The following OPHN1 variants were observed in gnomAD, a reference collection of about 807,000 sequenced individuals.
The protein encoded by OPHN1 is oligophrenin-1.
Under a neutral mutation model 60.7 loss-of-function variants are expected in OPHN1, and 11 were observed. The ratio of observed to expected loss-of-function variants is 0.18; its 90% CI spans 0.11 to 0.30. OPHN1 has a LOEUF of 0.30. OPHN1 is among the 10% of genes least tolerant of loss of function. OPHN1 has a pLI of 1.00. For missense variants in OPHN1, 449 were observed against 611.0 expected (o/e 0.73, Z 2.80); for synonymous variants, 226 against 222.6 (o/e 1.02, Z -0.14).
intron 15 of OPHN1, among the ~76,000 whole-genome samples, chrX:68,161,747 T>C (rs73212857): frequency 0.2 from 22,133 of 110,050 alleles, 1,893 homozygotes; most frequent in Middle Eastern, 0.32. Context: ...AGACACTTGT[T>C]GGGATATGTG....
intron 19 of OPHN1, among the ~76,000 whole-genome samples, chrX:68,090,258 G>GTGTGTGTGTC (rs2077012249): frequency 9.1e-6 from 1 of 110,053 alleles, no homozygotes; most frequent in Non-Finnish European, 1.9e-5. Context: ...GTGTGTGTGT[G>GTGTGTGTGTC]TGTGTGTGTG....
chrX:68,249,716 T>G lies in OPHN1; in HGVS notation c.385-15128A>C, dbSNP rs375740332. Among the ~76,000 whole-genome samples, 7 of 111,325 alleles carry G rather than the reference T, an allele frequency of 6.3e-5. No individual in the cohort carries two copies. In the East Asian group the frequency reaches 1.7e-3, roughly 27 times the overall value. ...AGCTTATATAACCTCCTCCACCCACTTGCACCAGTCCCCGAGGATCCCAGC... is the reference window on the plus strand; with the variant it reads ...AGCTTATATAACCTCCTCCACCCACGTGCACCAGTCCCCGAGGATCCCAGC... On this transcript the variant is annotated intron_variant, in intron 5 of 24. Coordinates refer to ENST00000355520, the MANE Select transcript of OPHN1 (RefSeq NM_002547.3).
intron 2 of OPHN1, among the ~76,000 whole-genome samples, chrX:68,317,579 A>AAGAAAGAAAGAAAGAAAG (rs1569278456): frequency 6.8e-5 from 6 of 87,959 alleles, no homozygotes; most frequent in African/African-American, 2.8e-4. Context: ...AAGAAAGAGA[A>AAGAAAGAAAGAAAGAAAG]AGAAAGAAAG....
intron 6 of OPHN1, among the ~76,000 whole-genome samples, chrX:68,222,793 G>T (rs2077668355): frequency 1.5e-5 from 1 of 67,045 alleles, no homozygotes. Flanking sequence ...TGGGGGGAGG[G>T]GGGAGGGATA....
intron 24 of OPHN1, among the ~76,000 whole-genome samples, chrX:68,047,381 G>A (rs2076835713): frequency 9.0e-6 from 1 of 111,506 alleles, no homozygotes; most frequent in African/African-American, 3.3e-5. Flanking sequence ...TTGTGCCTTT[G>A]ACCTCAACTC....
intron 15 of OPHN1, among the ~76,000 whole-genome samples, chrX:68,189,108 A>C (rs994777868): frequency 8.9e-6 from 1 of 111,922 alleles, no homozygotes; most frequent in African/African-American, 3.2e-5. Context: ...TTGTGAGAAC[A>C]ACACTTTCCT....
chrX:68,284,552 A>G (rs1383081667), intron 3 of OPHN1, among the ~76,000 whole-genome samples: 1 of 111,332 alleles, frequency 9.0e-6, no homozygotes, highest in Non-Finnish European at 1.9e-5. Context: ...ACACAAATGG[A>G]CTGAGACATA....
chrX:68,182,331 T>G (rs1482167727), intron 15 of OPHN1, among the ~76,000 whole-genome samples: 1 of 104,249 alleles, frequency 9.6e-6, no homozygotes, highest in East Asian at 3.0e-4. Context: ...TGCTGGGGAA[T>G]AAAGGCCTCT....
At chrX:68,381,393 G>C (rs774847309) in intron 2 of OPHN1, among the ~76,000 whole-genome samples, 4 of 111,450 alleles carry the variant, frequency 3.6e-5, no homozygotes, top group African/African-American at 1.3e-4. Context: ...ACCCCCAGTG[G>C]CTGCAAGAGT....
chrX:68,204,332 C>T (rs1444692162), intron 10 of OPHN1, among the ~76,000 whole-genome samples: 1 of 111,507 alleles, frequency 9.0e-6, no homozygotes, highest in Admixed American at 9.5e-5. Flanking sequence ...ATAGTAAGTG[C>T]CATAGTCAGA....
intron 2 of OPHN1, among the ~76,000 whole-genome samples, chrX:68,405,938 G>C (rs1337179278): frequency 9.1e-6 from 1 of 110,342 alleles, no homozygotes; most frequent in Non-Finnish European, 1.9e-5. Context: ...GAGGCCAGGA[G>C]TTCAAGACCA....
At chrX:68,257,695 T>C (rs1301821103) in intron 5 of OPHN1, among the ~76,000 whole-genome samples, 2 of 111,905 alleles carry the variant, frequency 1.8e-5, no homozygotes, top group Non-Finnish European at 3.8e-5. Flanking sequence ...TCAACTAAAA[T>C]TTAAAATACA....
At chrX:68,263,530 C>A (rs1252352209) in intron 5 of OPHN1, among the ~76,000 whole-genome samples, 3 of 112,166 alleles carry the variant, frequency 2.7e-5, no homozygotes, top group South Asian at 7.4e-4. Context: ...TTTTTTAGCA[C>A]ATATAATTGA....
At chrX:68,196,206 G>A (rs1398864738) in intron 12 of OPHN1, among the ~76,000 whole-genome samples, 4 of 111,845 alleles carry the variant, frequency 3.6e-5, no homozygotes, top group Non-Finnish European at 1.9e-5. Flanking sequence ...GAAAAACCTA[G>A]AATGCATTTT....
chrX:68,346,758 T>G (rs1263452059), intron 2 of OPHN1, among the ~76,000 whole-genome samples: 1 of 112,051 alleles, frequency 8.9e-6, no homozygotes, highest in Non-Finnish European at 1.9e-5. Flanking sequence ...TTCCATCAAC[T>G]CTAGCTGCTT....
chrX:68,212,946 T>C (rs908310025), intron 7 of OPHN1, among the ~76,000 whole-genome samples: 3 of 112,655 alleles, frequency 2.7e-5, no homozygotes, highest in Non-Finnish European at 5.6e-5. Flanking sequence ...TAATGAAGAC[T>C]GTCATAATGC....
At chrX:68,331,594 G>A (rs929934810) in intron 2 of OPHN1, among the ~76,000 whole-genome samples, 4 of 108,852 alleles carry the variant, frequency 3.7e-5, no homozygotes, top group African/African-American at 1.3e-4. Flanking sequence ...AGCTGGGTAT[G>A]GTGGCAGGCA....
intron 5 of OPHN1, among the ~76,000 whole-genome samples, chrX:68,240,021 G>C (rs2077773063): frequency 9.0e-6 from 1 of 111,295 alleles, no homozygotes; most frequent in Non-Finnish European, 1.9e-5. Flanking sequence ...ATGTTGGCCA[G>C]GCAGATCTCA....
At chrX:68,306,553 C>G (rs1198986770) in intron 2 of OPHN1, among the ~76,000 whole-genome samples, 1 of 112,016 alleles carries the variant, frequency 8.9e-6, no homozygotes, top group Non-Finnish European at 1.9e-5. Context: ...AAAAGAAAAG[C>G]TTTTCTTATC....
Sources: gnomAD v4.1 joint callset for allele counts (sites outside exome capture counted in the v4.1 genomes callset) on GRCh38, gnomAD v4.1.1 for gene constraint, MANE v1.5 for transcripts, NCBI Gene and HGNC (gene_info 2026-07-23, HGNC 2026-07-21) for gene names.